PTPRG: variants seen among roughly 807,000 people sequenced by gnomAD.
PTPRG encodes protein tyrosine phosphatase receptor type G.
In PTPRG, 102 loss-of-function variants were observed where a neutral mutation model predicts 165.3. The ratio of observed to expected loss-of-function variants is 0.62; its 90% CI spans 0.53 to 0.73. PTPRG has a LOEUF of 0.73. Ranked by LOEUF, PTPRG falls within the 30% of genes least tolerant of loss-of-function variation. The probability of loss-of-function intolerance (pLI) is 0.00; values close to 1 mark genes in which losing one functional copy is unlikely to be tolerated. For missense variants in PTPRG, 1,866 were observed against 1,861.4 expected, an observed-to-expected ratio of 1.00 and a Z score of -0.05; for synonymous variants, 675 against 669.5, an observed-to-expected ratio of 1.01 and a Z score of -0.13.
At chr3:61,696,229 C>T (rs775809398) in intron 1 of PTPRG, among the ~76,000 whole-genome samples, 28 of 152,168 alleles carry the variant, frequency 1.8e-4, no homozygotes, top group African/African-American at 6.0e-4. Flanking sequence ...AGGCCGGGCG[C>T]GGTGACTCAC....
chr3:61,917,113 A>G (rs1218272235), intron 2 of PTPRG, among the ~76,000 whole-genome samples: 2 of 152,112 alleles, frequency 1.3e-5, no homozygotes, highest in Non-Finnish European at 2.9e-5. Context: ...GTGGCCGCCA[A>G]TGCTTTTTGC....
intron 10 of PTPRG, among the ~76,000 whole-genome samples, chr3:62,199,742 A>G (rs917424771): frequency 1.3e-5 from 2 of 152,238 alleles, no homozygotes; most frequent in Admixed American, 6.5e-5. Flanking sequence ...TTCAGTTTAT[A>G]TAGCACTTTT....
At position 62,224,603 on chromosome 3, in the gene PTPRG, T is replaced by C. The variant is rs768412446; in HGVS notation, c.2288+5620T>C. Among the ~76,000 whole-genome samples, 16 of 152,218 alleles carry C rather than the reference T, an allele frequency of 1.1e-4. No individual in the cohort carries two copies. Among genetic ancestry groups the C allele is most frequent in the African/African-American group, 3.9e-4 (16 of 41,458 alleles). ...TAAACCCATTGGTATCATTGAATTATGTATATGTTTCCTGAAAGGGAGAAC... is the reference window on the plus strand; with the variant it reads ...TAAACCCATTGGTATCATTGAATTACGTATATGTTTCCTGAAAGGGAGAAC... On this transcript the variant is annotated intron_variant, in intron 13 of 29. Transcript: ENST00000474889. The surrounding 1 kb of genome is among the most constrained non-coding windows in gnomAD (Gnocchi z 4.9).
At chr3:61,986,114 A>G (rs1269631762) in intron 2 of PTPRG, among the ~76,000 whole-genome samples, 1 of 148,508 alleles carries the variant, frequency 6.7e-6, no homozygotes, top group Non-Finnish European at 1.5e-5. Context: ...ATTTAATACG[A>G]CAATCATCAT....
At chr3:62,035,584 A>G (rs530156407) in intron 4 of PTPRG, among the ~76,000 whole-genome samples, 47 of 152,302 alleles carry the variant, frequency 3.1e-4, no homozygotes, top group African/African-American at 8.7e-4. Flanking sequence ...GAAGTCCTTT[A>G]TTATTGCAAA....
At chr3:61,600,190 A>ATGTGTGTGTGTGTGTGTGTGTGTGTGTG (rs1293051250) in intron 1 of PTPRG, among the ~76,000 whole-genome samples, 17 of 118,514 alleles carry the variant, frequency 1.4e-4, no homozygotes, top group Non-Finnish European at 2.6e-4. Context: ...ATATATATAT[A>ATGTGTGTGTGTGTGTGTGTGTGTGTGTG]TATGTGTGTG....
chr3:61,564,819 C>T (rs1699866677), intron 1 of PTPRG, among the ~76,000 whole-genome samples: 3 of 152,180 alleles, frequency 2.0e-5, no homozygotes, highest in African/African-American at 4.8e-5. Context: ...TGCCCGGGTT[C>T]CCAGGCTCTG....
intron 2 of PTPRG, among the ~76,000 whole-genome samples, chr3:61,961,123 T>C (rs927187298): frequency 2.0e-5 from 3 of 152,176 alleles, no homozygotes; most frequent in African/African-American, 7.2e-5. Flanking sequence ...TTATCATCAT[T>C]ATCTCCATCT....
chr3:61,682,483 A>G (rs1188053805), intron 1 of PTPRG, among the ~76,000 whole-genome samples: 1 of 152,214 alleles, frequency 6.6e-6, no homozygotes. Context: ...TAAACATAAA[A>G]AAGTTTTTAA....
intron 1 of PTPRG, among the ~76,000 whole-genome samples, chr3:61,727,310 C>T (rs983318087): frequency 1.1e-4 from 16 of 151,786 alleles, no homozygotes; most frequent in South Asian, 6.2e-4. Flanking sequence ...CTTGCCACCA[C>T]ACCCAGCTAA....
At chr3:61,942,156 T>TA (rs72243584) in intron 2 of PTPRG, among the ~76,000 whole-genome samples, 3,515 of 128,564 alleles carry the variant, frequency 0.027, 121 homozygotes, top group African/African-American at 0.086. Flanking sequence ...AGACTCTGTC[T>TA]AAAAAAAAAA....
intron 1 of PTPRG, among the ~76,000 whole-genome samples, chr3:61,608,573 G>A (rs1701077790): frequency 6.6e-6 from 1 of 152,188 alleles, no homozygotes; most frequent in Non-Finnish European, 1.5e-5. Context: ...GAGGAGAGCT[G>A]ACCTGGAAGG....
chr3:61,692,893 A>G (rs1489319128), intron 1 of PTPRG, among the ~76,000 whole-genome samples: 1 of 152,214 alleles, frequency 6.6e-6, no homozygotes, highest in African/African-American at 2.4e-5. Flanking sequence ...CAGAATTGAA[A>G]GATTCATGAC....
chr3:62,013,827 T>C (rs2041482000), intron 4 of PTPRG, among the ~76,000 whole-genome samples: 1 of 152,136 alleles, frequency 6.6e-6, no homozygotes, highest in Non-Finnish European at 1.5e-5. Flanking sequence ...TTTCCTCTTA[T>C]TCTTTTTTGC....
intron 1 of PTPRG, among the ~76,000 whole-genome samples, chr3:61,601,326 C>T (rs1403076930): frequency 6.6e-6 from 1 of 152,206 alleles, no homozygotes; most frequent in Non-Finnish European, 1.5e-5. Flanking sequence ...CTGTTCGATG[C>T]CTGCCTCCCA....
chr3:61,887,166 A>ATTTTTTT (rs1559670266), intron 2 of PTPRG, among the ~76,000 whole-genome samples: 3 of 99,292 alleles, frequency 3.0e-5, no homozygotes, highest in African/African-American at 1.0e-4. Context: ...ATATATATAT[A>ATTTTTTT]TATATTTTTA....
At chr3:61,906,537 A>C (rs994234912) in intron 2 of PTPRG, among the ~76,000 whole-genome samples, 1 of 152,092 alleles carries the variant, frequency 6.6e-6, no homozygotes, top group Non-Finnish European at 1.5e-5. Flanking sequence ...TGTGAGGTCG[A>C]GGTAGGAGGA....
chr3:61,888,339 G>GTTTGTTTGTTTT lies in PTPRG; in HGVS notation c.191-101280_191-101279insTGTTTTTTTGTT, dbSNP rs1559671081. ...AATGGGTTGTTTTTTTTGTTTGTTT[G>GTTTGTTTGTTTT]TTTGTTGTTTTTGAGAGGGGCTCTT... On this transcript the variant is annotated intron_variant, in intron 2 of 29. Coordinates refer to ENST00000474889, the MANE Select transcript of PTPRG (RefSeq NM_002841.4). Among the ~76,000 whole-genome samples, 565 of 150,296 alleles carry GTTTGTTTGTTTT rather than the reference G, an allele frequency of 3.8e-3. 4 individuals carry two copies. Among genetic ancestry groups the GTTTGTTTGTTTT allele is most frequent in the African/African-American group, 0.013 (534 of 40,104 alleles).
At chr3:62,281,793 C>A in intron 27 of PTPRG, 84 bp downstream of exon 27, 4 of 1,318,476 alleles carry the variant, frequency 3.0e-6, no homozygotes, top group Non-Finnish European at 4.1e-6. Context: ...AATTTACCAC[C>A]CTCAAGCCAG....
Sources: gnomAD v4.1 joint callset for allele counts (sites outside exome capture counted in the v4.1 genomes callset) on GRCh38, gnomAD v4.1.1 for gene constraint, Gnocchi (gnomAD v3.1) non-coding constraint, MANE v1.5 for transcripts, NCBI Gene and HGNC (gene_info 2026-07-23, HGNC 2026-07-21) for gene names.